SCN3A: variants seen among roughly 807,000 people sequenced by gnomAD.
The protein encoded by SCN3A is sodium channel protein type 3 subunit alpha.
Under a neutral mutation model 187.6 loss-of-function variants are expected in SCN3A, and 60 were observed. That is an observed-to-expected ratio of 0.32 (90% CI 0.26 to 0.40). The LOEUF (loss-of-function observed/expected upper bound fraction) is 0.40. SCN3A is among the 10% of genes least tolerant of loss of function. The pLI is 1.00. For missense variants in SCN3A, 1,601 were observed against 2,428.2 expected (o/e 0.66, Z 7.16); for synonymous variants, 788 against 829.2 (o/e 0.95, Z 0.85).
At chr2:165,118,598 C>T (rs1559198510) in intron 18 of SCN3A, among the ~76,000 whole-genome samples, 1 of 150,150 alleles carries the variant, frequency 6.7e-6, no homozygotes. Context: ...TTTTTTTTTT[C>T]CCCCTTGGGA....
intron 21 of SCN3A, 49 bp from the exon 22 acceptor site, chr2:165,100,473 G>A (rs1685553304): frequency 2.5e-6 from 4 of 1,583,360 alleles, no homozygotes; most frequent in South Asian, 1.1e-5. Context: ...ATAAACTGTT[G>A]ACTGAAGGTA....
chr2:165,092,658 G>T lies in SCN3A; in HGVS notation c.4537-134C>A, dbSNP rs1574092311. The T allele has an allele frequency of 1.2e-6, 1 of 815,660 alleles. No individual in the cohort carries two copies. The highest frequency in any genetic ancestry group is 2.8e-5 in the Admixed American group (1 of 36,286). The allele number at this position is 815,660 out of a possible 1,614,324, so 50.5% of individuals were successfully genotyped here. A position where few individuals can be genotyped will look rare whatever the true frequency, so the allele number is the denominator to read the frequency against. ...CTCATATTACCCCAAACAATTTTGT[G>T]TGCTTTTTTTCTCTTCATGTTAAAA... is the stretch of plus-strand genomic sequence containing the variant. On this transcript the variant is annotated intron_variant, in intron 26 of 27. Transcript: ENST00000283254. This position sits in a 1 kb window ranked among gnomAD's most constrained non-coding sequence, Gnocchi z 4.2.
intron 18 of SCN3A, among the ~76,000 whole-genome samples, chr2:165,122,579 T>A (rs1686760729): frequency 6.6e-6 from 1 of 152,172 alleles, no homozygotes; most frequent in Non-Finnish European, 1.5e-5. Flanking sequence ...GAGCATGCAA[T>A]TGGTTTTAAA....
chr2:165,093,545 A>T (rs1212153457), intron 26 of SCN3A: 1 of 152,212 alleles, frequency 6.6e-6, no homozygotes, highest in Non-Finnish European at 1.5e-5. Context: ...TTAGAGTAAA[A>T]ACTTAAAACT....
intron 1 of SCN3A, among the ~76,000 whole-genome samples, chr2:165,201,976 T>C (rs1412791854): frequency 6.6e-6 from 1 of 152,070 alleles, no homozygotes; most frequent in African/African-American, 2.4e-5. Flanking sequence ...TGGGGTCTTT[T>C]CTGAGACAAC....
chr2:165,112,750 G>A, intron 21 of SCN3A, 135 bp downstream of exon 21: 1 of 754,560 alleles, frequency 1.3e-6, no homozygotes, highest in Admixed American at 2.4e-5. Flanking sequence ...CCTCATTGTT[G>A]CATATGTTAC....
intron 2 of SCN3A, among the ~76,000 whole-genome samples, chr2:165,185,674 G>A (rs1691184775): frequency 6.6e-6 from 1 of 152,120 alleles, no homozygotes; most frequent in African/African-American, 2.4e-5. Context: ...AACAACCTCT[G>A]CACTGCTTGT....
At chr2:165,127,048 ATC>A (rs1162926771) in intron 18 of SCN3A, among the ~76,000 whole-genome samples, 1 of 152,126 alleles carries the variant, frequency 6.6e-6, no homozygotes, top group African/African-American at 2.4e-5. Flanking sequence ...ACTAAATAAC[ATC>A]TCTTTTTTGG....
chr2:165,146,313 G>A (rs1688316381), intron 12 of SCN3A, among the ~76,000 whole-genome samples: 1 of 150,426 alleles, frequency 6.6e-6, no homozygotes, highest in Non-Finnish European at 1.5e-5. Context: ...GTCTCAAAAT[G>A]GAAAATGTAA....
At chr2:165,099,992 G>A (rs1685531735) in intron 22 of SCN3A, among the ~76,000 whole-genome samples, 1 of 152,186 alleles carries the variant, frequency 6.6e-6, no homozygotes, top group African/African-American at 2.4e-5. Flanking sequence ...GTAGTCAGTA[G>A]TCATTTCAAG....
At chr2:165,152,642 C>T (rs536942233) in intron 11 of SCN3A, among the ~76,000 whole-genome samples, 20 of 152,216 alleles carry the variant, frequency 1.3e-4, no homozygotes, top group African/African-American at 4.6e-4. Flanking sequence ...CCTGAGGAAT[C>T]GCCACACTGT....
chr2:165,130,456 A>G, intron 16 of SCN3A, 160 bp from the exon 17 acceptor site: 2 of 711,880 alleles, frequency 2.8e-6, no homozygotes, highest in Non-Finnish European at 4.7e-6. Flanking sequence ...AGTGTTAACA[A>G]TATTAGAATT....
intron 15 of SCN3A, among the ~76,000 whole-genome samples, chr2:165,134,132 A>G (rs963037301): frequency 6.6e-6 from 1 of 152,170 alleles, no homozygotes; most frequent in Non-Finnish European, 1.5e-5. Context: ...CAGTATGCAT[A>G]TACATGTAAT....
In SCN3A at chr2:165,159,258, G is replaced by A. The variant is rs909841683; in HGVS notation, c.1031+3050C>T. On this transcript the variant is annotated intron_variant, in intron 9 of 27. Transcript: ENST00000283254. ...TACTATATACTCGTGTGGGGTATCT[G>A]TTCAGATCTTTTGCCAGTTTTAAAT... Among the ~76,000 whole-genome samples the A allele has an allele frequency of 4.3e-5, 6 of 138,250 alleles. 1 individual carries two copies. Among genetic ancestry groups the A allele is most frequent in the Non-Finnish European group, 9.0e-5 (6 of 66,694 alleles). The allele number at this position is 138,250 out of a possible 152,430, so 90.7% of individuals were successfully genotyped here. A position where few individuals can be genotyped will look rare whatever the true frequency, so the allele number is the denominator to read the frequency against.
At chr2:165,171,885 G>T (rs1024415629) in intron 3 of SCN3A, among the ~76,000 whole-genome samples, 8 of 151,914 alleles carry the variant, frequency 5.3e-5, no homozygotes, top group African/African-American at 1.9e-4. Flanking sequence ...TTAATAGCCT[G>T]GTTTGCAAAT....
chr2:165,097,611 G>A (rs1685420054), intron 22 of SCN3A, 87 bp from the exon 23 acceptor site: 2 of 1,500,938 alleles, frequency 1.3e-6, no homozygotes, highest in Admixed American at 3.5e-5. Context: ...ATTAATATGT[G>A]CTTGAAAAGA....
At chr2:165,174,440 T>C (rs1690321060) in intron 3 of SCN3A, among the ~76,000 whole-genome samples, 1 of 152,220 alleles carries the variant, frequency 6.6e-6, no homozygotes, top group Admixed American at 6.5e-5. Context: ...TGAGGTGGCC[T>C]GGCCATTGGG....
chr2:165,115,592 A>T lies in SCN3A; in HGVS notation c.3394-17T>A. The stretch of plus-strand genomic sequence containing the variant: ...ATTTAATTTCTGGAAACAAAATCCC[A>T]TTTCAAAGATGTGATTTTCCCCCTT... On this transcript the variant is annotated splice_polypyrimidine_tract_variant and intron_variant, in intron 18 of 27. Coordinates refer to ENST00000283254, the MANE Select transcript of SCN3A (RefSeq NM_006922.4). 1 of 1,612,974 alleles carries T rather than the reference A, an allele frequency of 6.2e-7. No homozygotes were observed. The highest frequency in any genetic ancestry group is 8.5e-7 in the Non-Finnish European group (1 of 1,179,120).
rs34824100 is a variant in SCN3A at position 165,092,894 on chromosome 2, T to TAA, written c.4537-372_4537-371dup. ...CAACATAGTGAGACCTCATTTCTAT[T>TAA]AAAAAAAAATTAGCCTGGTATGGTG... On this transcript the variant is annotated intron_variant, in intron 26 of 27. Transcript: ENST00000283254. The surrounding 1 kb of genome is among the most constrained non-coding windows in gnomAD (Gnocchi z 4.2). 899 of 183,042 alleles carry TAA rather than the reference T, an allele frequency of 4.9e-3. 4 individuals are homozygous for TAA. Among genetic ancestry groups the TAA allele is most frequent in the African/African-American group, 0.017 (698 of 41,246 alleles). 11.3% of individuals were successfully genotyped at this position (183,042 alleles called of 1,614,324 possible).
Sources: allele counts gnomAD v4.1 joint callset (sites outside exome capture counted in the v4.1 genomes callset), GRCh38; gene constraint gnomAD v4.1.1; non-coding constraint Gnocchi (gnomAD v3.1); transcripts MANE v1.5; gene names NCBI Gene and HGNC (gene_info 2026-07-23, HGNC 2026-07-21).